The following TRIM28 variants were observed in gnomAD, a reference collection of about 807,000 sequenced individuals.
The protein encoded by TRIM28 is tripartite motif containing 28.
Under a neutral mutation model 87.4 loss-of-function variants are expected in TRIM28, and 8 were observed. The observed-to-expected ratio is 0.09, with a 90% CI of 0.05 to 0.17. The LOEUF is 0.17. Ranked by LOEUF, TRIM28 falls within the 10% of genes least tolerant of loss-of-function variation. The pLI is 1.00. For missense variants in TRIM28, 968 were observed against 1,131.8 expected (o/e 0.86, Z 2.08); for synonymous variants, 601 against 454.3 (o/e 1.32, Z -4.11).
chr19:58,547,297 A>G lies in TRIM28; in HGVS notation c.587-79A>G, dbSNP rs2053769732. On this transcript the variant is annotated intron_variant, in intron 3 of 16. Transcript: ENST00000253024. ...CCCAGTGTCACAGAACAGGCCGGAAATGAGGCCCCAACTCATTCTGCTTCC... is the reference window on the plus strand; with the variant it reads ...CCCAGTGTCACAGAACAGGCCGGAAGTGAGGCCCCAACTCATTCTGCTTCC... The G allele has an allele frequency of 1.3e-5, 21 of 1,567,040 alleles. No individual in the cohort carries two copies. In the South Asian group the frequency reaches 2.4e-4, roughly 18 times the overall value.
Position 58,549,389 on chromosome 19 carries a change from C to G in TRIM28, c.1721C>G (p.Thr574Ser), listed in dbSNP as rs1448117458. The G allele has an allele frequency of 6.3e-7, 1 of 1,585,584 alleles. No individual in the cohort carries two copies. The highest frequency in any genetic ancestry group is 1.1e-5 in the South Asian group (1 of 88,034). The change falls in exon 13 of 17, where the codon ACC becomes AGC. Residue 574 changes from threonine to serine, a missense_variant. This residue lies in a region of TRIM28 where 164 missense variants were observed against 146.2 expected (regional missense o/e 1.12). Transcript: ENST00000253024. This position sits in a 1 kb window ranked among gnomAD's most constrained non-coding sequence, Gnocchi z 4.4. ...APPTATEGPE[T>S]KPVLMALAEG... is the part of the protein sequence containing the mutation. ...CCTACTGCCACTGAGGGCCCTGAGA[C>G]CAAACCTGTGCTTATGGCTCTTGCG...
At chr19:58,548,460 CT>C in intron 8 of TRIM28, 25 bp from the exon 9 acceptor site, 1 of 1,614,110 alleles carries the variant, frequency 6.2e-7, no homozygotes, top group Non-Finnish European at 8.5e-7. Context: ...GCTGCACCTA[CT>C]TACGTTTCTC....
intron 3 of TRIM28, 122 bp from the exon 4 acceptor site, chr19:58,547,254 C>A (rs2053769394): frequency 7.6e-7 from 1 of 1,322,640 alleles, no homozygotes; most frequent in Non-Finnish European, 1.0e-6. Flanking sequence ...ACACCCTCTA[C>A]ATCTTCCCAA....
Position 58,545,729 on chromosome 19 carries a change from G to A in TRIM28, c.454-35G>A, listed in dbSNP as rs553208826. 5.7e-6 allele frequency: 9 copies of A among 1,588,640 alleles called. No homozygotes were observed. In the East Asian group the frequency reaches 1.1e-4, roughly 20 times the overall value. ...GATGTAAACGTGGATCTATCAAGTTGTCTTGCCTTCTCTGACCCTGCCTTT... is the reference window on the plus strand; with the variant it reads ...GATGTAAACGTGGATCTATCAAGTTATCTTGCCTTCTCTGACCCTGCCTTT... On this transcript the variant is annotated intron_variant, in intron 2 of 16. Transcript: ENST00000253024.
At chr19:58,545,258 C>G in intron 1 of TRIM28, 161 bp downstream of exon 1, 2 of 889,730 alleles carry the variant, frequency 2.2e-6, no homozygotes, top group Non-Finnish European at 3.4e-6. Context: ...TTTGTGCTGG[C>G]CGCTGAGATG....
At chr19:58,546,373 G>C (rs1038682793) in intron 3 of TRIM28, among the ~76,000 whole-genome samples, 1 of 152,234 alleles carries the variant, frequency 6.6e-6, no homozygotes, top group African/African-American at 2.4e-5. Context: ...CCAAAGTTTG[G>C]TTTGGCATTT....
rs759703884 is a variant in TRIM28 at position 58,548,356 on chromosome 19, G to A, written c.1164G>A (p.Glu388=). ...TGGATCCCGTGGAGCCACATGGCGA[G>A]ATGAAGTTTCAGTGGGACCTCAATG... ...MIVDPVEPHG[E]MKFQWDLNAW... The change falls in exon 8 of 17, where the codon GAG becomes GAA. Residue 388 remains glutamate (E), a synonymous_variant. Coordinates refer to ENST00000253024, the MANE Select transcript of TRIM28 (RefSeq NM_005762.3). 14 of 1,614,074 alleles carry A rather than the reference G, an allele frequency of 8.7e-6. No individual in the cohort carries two copies. The Admixed American group carries it at 2.3e-4, about 27-fold the overall frequency.
intron 2 of TRIM28, 105 bp downstream of exon 2, chr19:58,545,642 C>G: frequency 2.0e-6 from 3 of 1,510,842 alleles, no homozygotes; most frequent in Non-Finnish European, 2.7e-6. Flanking sequence ...TCCCAAGGCT[C>G]TGGGTGGGCT....
At position 58,549,692 on chromosome 19, in the gene TRIM28, T is replaced by C; in HGVS notation, c.1982+42T>C. The C allele has an allele frequency of 6.2e-7, 1 of 1,601,188 alleles. No homozygotes were observed. Among genetic ancestry groups the C allele is most frequent in the South Asian group, 1.1e-5 (1 of 89,938 alleles). On this transcript the variant is annotated intron_variant, in intron 13 of 16. Coordinates refer to ENST00000253024, the MANE Select transcript of TRIM28 (RefSeq NM_005762.3). The surrounding 1 kb of genome is among the most constrained non-coding windows in gnomAD (Gnocchi z 4.4). ...TGGGGGTCAAGTCTGGGTGTTGGGC[T>C]GTCTGGACAGGATCATGTGCAGACC...
chr19:58,549,945 G>T lies in TRIM28; in HGVS notation c.2107-4G>T. 1 of 1,614,028 alleles carries T rather than the reference G, an allele frequency of 6.2e-7. No individual in the cohort carries two copies. Among genetic ancestry groups the T allele is most frequent in the East Asian group, 2.2e-5 (1 of 44,884 alleles). ...AGCTGTGACATCCCTTACAATGTTTGTAGAAATGTGAGCGTGTACTGCTGG... is the reference window on the plus strand; with the variant it reads ...AGCTGTGACATCCCTTACAATGTTTTTAGAAATGTGAGCGTGTACTGCTGG... On this transcript the variant is annotated splice_polypyrimidine_tract_variant and splice_region_variant and intron_variant, in intron 14 of 16. Transcript: ENST00000253024. The surrounding 1 kb of genome is among the most constrained non-coding windows in gnomAD (Gnocchi z 4.4).
In TRIM28 at chr19:58,548,105, G is replaced by A. The variant is rs1382255592; in HGVS notation, c.1026G>A (p.Gln342=). ...HWTMTKIQKH[Q]EHILRFASWA... is the part of the protein sequence containing the mutation. ...CCATGACCAAGATCCAGAAGCACCA[G>A]GAGCACATTCTGCGCTTTGCCTCTT... Residue 342 remains glutamine (Q), a synonymous_variant, in exon 7 of 17, where the codon CAG becomes CAA. Transcript: ENST00000253024. 6.2e-7 allele frequency: 1 copy of A among 1,614,112 alleles called. No homozygotes were observed. Among genetic ancestry groups the A allele is most frequent in the South Asian group, 1.1e-5 (1 of 91,090 alleles).
At position 58,548,375 on chromosome 19, in the gene TRIM28, C is replaced by G; in HGVS notation, c.1183C>G (p.Leu395Val). 6.2e-7 allele frequency: 1 copy of G among 1,614,188 alleles called. No homozygotes were observed. The highest frequency in any genetic ancestry group is 8.5e-7 in the Non-Finnish European group (1 of 1,180,030). The stretch of plus-strand genomic sequence containing the variant: ...TGGCGAGATGAAGTTTCAGTGGGAC[C>G]TCAATGCCTGGACCAAGAGTGCCGA... The part of the protein sequence containing the change: ...PHGEMKFQWD[L>V]NAWTKSAEAF... Residue 395 changes from leucine (L) to valine (V), a missense_variant, in exon 8 of 17, where the codon CTC (leucine) becomes GTC (valine). Around this residue, in one of 11 missense-constraint regions of TRIM28, gnomAD observed 84 missense variants for 139.9 expected, o/e 0.60. Transcript: ENST00000253024.
Position 58,548,785 on chromosome 19 carries a change from G to A in TRIM28, c.1360+9G>A, listed in dbSNP as rs753991398. 73 of 1,613,960 alleles carry A rather than the reference G, an allele frequency of 4.5e-5. No individual in the cohort carries two copies. The highest frequency in any genetic ancestry group is 5.9e-5 in the Non-Finnish European group (70 of 1,180,006). Reference sequence around the variant, plus strand: ...CTATGGCTTTGGGTCAGGTGAGTGGGTCTGCCTAGTGGGTGGGGAAGGGCC... The same window carrying A: ...CTATGGCTTTGGGTCAGGTGAGTGGATCTGCCTAGTGGGTGGGGAAGGGCC... On this transcript the variant is annotated intron_variant, in intron 10 of 16. Coordinates refer to ENST00000253024, the MANE Select transcript of TRIM28 (RefSeq NM_005762.3).
rs905239114 is a variant in TRIM28 at position 58,544,485 on chromosome 19, GTTGTGCTTGTGC to G, written c.-267_-256del. ...CTGCGAGCGGGCGCGCGGGCGAGCG[GTTGTGCTTGTGC>G]TTGTGGCGCGTGGTGCGGGTTTCGG... On this transcript the variant is annotated 5_prime_UTR_variant, in exon 1 of 17. Coordinates refer to ENST00000253024, the MANE Select transcript of TRIM28 (RefSeq NM_005762.3). 6.6e-6 allele frequency: 1 copy of G among 152,476 alleles called. No homozygotes were observed. The highest frequency in any genetic ancestry group is 1.5e-5 in the Non-Finnish European group (1 of 68,100). 9.4% of individuals were successfully genotyped at this position (152,476 alleles called of 1,614,324 possible). A position where few individuals can be genotyped will look rare whatever the true frequency, so the allele number is the denominator to read the frequency against.
At chr19:58,546,748 G>C (rs554356640) in intron 3 of TRIM28, among the ~76,000 whole-genome samples, 1 of 152,142 alleles carries the variant, frequency 6.6e-6, no homozygotes, top group Non-Finnish European at 1.5e-5. Context: ...TTTCTAATGG[G>C]GAGACAGGCT....
At chr19:58,546,101 G>A (rs2053758935) in intron 3 of TRIM28, among the ~76,000 whole-genome samples, 1 of 152,192 alleles carries the variant, frequency 6.6e-6, no homozygotes, top group Admixed American at 6.5e-5. Flanking sequence ...GGGTGGGAAG[G>A]GGAAATAAGG....
chr19:58,548,823 C>T (rs142004001), intron 10 of TRIM28, 39 bp from the exon 11 acceptor site: 4 of 1,613,950 alleles, frequency 2.5e-6, no homozygotes, highest in Non-Finnish European at 2.5e-6. Flanking sequence ...AGTGCTGTTT[C>T]TACCCCAACC....
intron 3 of TRIM28, 189 bp from the exon 4 acceptor site, chr19:58,547,187 G>GGATGTGTTTCTCAGCTATGTTGGT: frequency 1.5e-6 from 1 of 646,280 alleles, no homozygotes. Flanking sequence ...GCTATGTTGG[G>GGATGTGTTTCTCAGCTATGTTGGT]GCAGAGGATT....
At chr19:58,548,955 G>A (rs764306993) in intron 11 of TRIM28, 33 bp from the exon 12 acceptor site, 1 of 1,614,058 alleles carries the variant, frequency 6.2e-7, no homozygotes, top group South Asian at 1.1e-5. Context: ...TGGAGGGTGG[G>A]GGTGTACTCA....
Sources: gnomAD v4.1 joint callset for allele counts (sites outside exome capture counted in the v4.1 genomes callset) on GRCh38, gnomAD v4.1.1 for gene constraint, gnomAD v4.1.1 regional missense constraint, Gnocchi (gnomAD v3.1) non-coding constraint, MANE v1.5 for transcripts, NCBI Gene and HGNC (gene_info 2026-07-23, HGNC 2026-07-21) for gene names.